KDM3A: variants seen among roughly 807,000 people sequenced by gnomAD.
KDM3A encodes lysine-specific demethylase 3A.
A neutral mutation model predicts 158.0 loss-of-function variants in KDM3A; 60 were observed. The ratio of observed to expected loss-of-function variants is 0.38; its 90% confidence interval spans 0.31 to 0.47. The LOEUF is 0.47. KDM3A is among the 20% of genes least tolerant of loss of function. The probability of loss-of-function intolerance (pLI) is 0.99; values close to 1 mark genes in which losing one functional copy is unlikely to be tolerated. For synonymous variants in KDM3A, 608 were observed against 549.3 expected (o/e 1.11, Z -1.49); for missense variants, 1,319 against 1,574.3 (o/e 0.84, Z 2.74).
At chr2:86,477,759 T>G (rs1558625198) in intron 12 of KDM3A, 118 bp from the exon 13 acceptor site, 12 of 964,100 alleles carry the variant, frequency 1.2e-5, no homozygotes, top group Non-Finnish European at 1.7e-5. Flanking sequence ...CAATGAAGCC[T>G]GAACAAAGTT....
chr2:86,482,001 T>A lies in KDM3A; in HGVS notation c.2584T>A (p.Ser862Thr). Residue 862 changes from serine (S) to threonine (T), a missense_variant, in exon 17 of 26, where the codon TCC becomes ACC. Around this residue, in one of 4 missense-constraint regions of KDM3A, gnomAD observed 368 missense variants for 415.8 expected, o/e 0.89. Transcript: ENST00000312912. ...TCCACCCCTCCCACCTTTAAGCAAA[T>A]CCAGCACAGTCCTCCATACGTTTAA... is the stretch of plus-strand genomic sequence containing the variant. ...CLPPLPPLSK[S>T]STVLHTFNST... 1 of 1,613,976 alleles carries A rather than the reference T, an allele frequency of 6.2e-7. No individual in the cohort carries two copies. The highest frequency in any genetic ancestry group is 8.5e-7 in the Non-Finnish European group (1 of 1,179,884).
At chr2:86,484,224 G>T in intron 19 of KDM3A, 66 bp downstream of exon 19, 1 of 1,394,480 alleles carries the variant, frequency 7.2e-7, no homozygotes, top group Non-Finnish European at 9.8e-7. Flanking sequence ...AATGGCAGGA[G>T]TCTGAGACCC....
chr2:86,446,827 C>G (rs931569857), intron 2 of KDM3A, among the ~76,000 whole-genome samples: 1 of 152,088 alleles, frequency 6.6e-6, no homozygotes, highest in Non-Finnish European at 1.5e-5. Context: ...TTTGTTTTTT[C>G]TGGAAATGGG....
At chr2:86,474,281 TC>T (rs1392586822) in intron 11 of KDM3A, among the ~76,000 whole-genome samples, 1 of 152,182 alleles carries the variant, frequency 6.6e-6, no homozygotes, top group Non-Finnish European at 1.5e-5. Flanking sequence ...TTTTTAATCT[TC>T]CTACTGACAT....
chr2:86,467,863 A>AT (rs1558618368), intron 10 of KDM3A, among the ~76,000 whole-genome samples: 1 of 152,118 alleles, frequency 6.6e-6, no homozygotes, highest in Non-Finnish European at 1.5e-5. Flanking sequence ...TCCACAAAAA[A>AT]TTTTTTTAAA....
chr2:86,482,168 A>G, intron 17 of KDM3A, 66 bp downstream of exon 17: 1 of 1,526,072 alleles, frequency 6.6e-7, no homozygotes. Context: ...AGAGTAGAGA[A>G]GTTGGAACTG....
At chr2:86,448,033 A>G (rs1218838402) in intron 2 of KDM3A, among the ~76,000 whole-genome samples, 1 of 152,236 alleles carries the variant, frequency 6.6e-6, no homozygotes. Flanking sequence ...ATGAAAGACC[A>G]TTTGGTTGAT....
Position 86,482,862 on chromosome 2 carries a change from T to A in KDM3A, c.2922+168T>A. 3.5e-5 allele frequency: 23 copies of A among 661,182 alleles called. 1 individual carries two copies. The South Asian group carries it at 4.0e-4, about 11-fold the overall frequency. 41.0% of individuals were successfully genotyped at this position (661,182 alleles called of 1,614,324 possible). The stretch of plus-strand genomic sequence containing the variant: ...GTCAGGATGTGGCCATGGGTCTTAC[T>A]TTTTAAAGCAGATGGTCCTAAGCTG... On this transcript the variant is annotated intron_variant, in intron 18 of 25. Transcript: ENST00000312912.
intron 2 of KDM3A, among the ~76,000 whole-genome samples, chr2:86,447,287 A>G (rs1286627544): frequency 7.1e-6 from 1 of 141,554 alleles, no homozygotes; most frequent in East Asian, 1.9e-4. Flanking sequence ...AAGGAGGTAA[A>G]CTTTTTTTTT....
Position 86,489,453 on chromosome 2 carries a change from TAA to T in KDM3A, c.3433+19_3433+20del, listed in dbSNP as rs769225916. ...CAAGAAGAAGGTAGGGTGCTGAGCA[TAA>T]AAGGAGGGCTTACTCTTTGAGCCAG... On this transcript the variant is annotated intron_variant, in intron 22 of 25. Transcript: ENST00000312912. 5.0e-6 allele frequency: 8 copies of T among 1,613,044 alleles called. No individual in the cohort carries two copies. Among genetic ancestry groups the T allele is most frequent in the Non-Finnish European group, 6.8e-6 (8 of 1,179,624 alleles).
At chr2:86,485,207 T>G (rs1254220873) in intron 20 of KDM3A, among the ~76,000 whole-genome samples, 178 bp downstream of exon 20, 1 of 152,246 alleles carries the variant, frequency 6.6e-6, no homozygotes, top group African/African-American at 2.4e-5. Flanking sequence ...TTAGATGAGA[T>G]GAAGAAGTGA....
rs1279757044 is a variant in KDM3A at position 86,450,318 on chromosome 2, C to T, written c.342+356C>T. 1.3e-5 allele frequency among the ~76,000 whole-genome samples: 2 copies of T among 152,162 alleles called. 1 individual carries two copies. Among genetic ancestry groups the T allele is most frequent in the African/African-American group, 4.8e-5 (2 of 41,436 alleles). ...AGAATACATCTGAAAATCTAGATTT[C>T]CATTGTCTCTTAAAAAATCTACAAG... On this transcript the variant is annotated intron_variant, in intron 3 of 25. Coordinates refer to ENST00000312912, the MANE Select transcript of KDM3A (RefSeq NM_018433.6).
At chr2:86,489,802 A>G in intron 23 of KDM3A, 143 bp downstream of exon 23, 1 of 809,010 alleles carries the variant, frequency 1.2e-6, no homozygotes, top group Non-Finnish European at 1.9e-6. Flanking sequence ...GAATAGGCTG[A>G]AGGTGGTTGC....
chr2:86,454,309 A>G (rs1190340302), intron 4 of KDM3A, among the ~76,000 whole-genome samples: 2 of 152,192 alleles, frequency 1.3e-5, no homozygotes, highest in African/African-American at 2.4e-5. Context: ...ATGTGGTTCA[A>G]AATTTTCCCT....
intron 16 of KDM3A, among the ~76,000 whole-genome samples, chr2:86,481,149 CA>C (rs1274432561): frequency 1.3e-5 from 2 of 152,140 alleles, no homozygotes; most frequent in Non-Finnish European, 2.9e-5. Context: ...TAATGATTTA[CA>C]AAAAACTTCT....
chr2:86,485,331 C>G (rs892140231), intron 20 of KDM3A, among the ~76,000 whole-genome samples: 5 of 152,190 alleles, frequency 3.3e-5, no homozygotes, highest in Non-Finnish European at 7.3e-5. Flanking sequence ...GTTGTGGAAT[C>G]TGACCTGTCA....
rs1278956404 is a variant in KDM3A, at chr2:86,478,610, C to T, written c.2191C>T (p.Leu731Phe). 3 of 1,613,872 alleles carry T rather than the reference C, an allele frequency of 1.9e-6. No individual in the cohort carries two copies. The Admixed American group carries it at 5.0e-5, about 27-fold the overall frequency. ...GTTTGCCTCTGCCCTTTCTTTAGCA[C>T]TCTATGATGTTGGAGACATTGTTCA... ...MPTQIIPGKA[L>F]YDVGDIVHSV... Residue 731 changes from leucine (L) to phenylalanine (F), a missense_variant and splice_region_variant, in exon 15 of 26, where the codon CTC becomes TTC. Transcript: ENST00000312912.
At chr2:86,441,337 G>A (rs1305291105), upstream of KDM3A, 1 of 152,412 alleles carries the variant, frequency 6.6e-6, no homozygotes, top group African/African-American at 2.4e-5. Flanking sequence ...GCGGGTCCGG[G>A]AGGCTGTGCG....
intron 1 of KDM3A, 84 bp from the exon 2 acceptor site, chr2:86,441,934 C>T: frequency 6.2e-6 from 7 of 1,121,168 alleles, no homozygotes; most frequent in Admixed American, 2.3e-5. Context: ...GGGTTCGGCG[C>T]CCTCCGCCCG....
Sources: allele counts gnomAD v4.1 joint callset (sites outside exome capture counted in the v4.1 genomes callset), GRCh38; gene constraint gnomAD v4.1.1; regional missense constraint gnomAD v4.1.1; transcripts MANE v1.5; gene names NCBI Gene and HGNC (gene_info 2026-07-23, HGNC 2026-07-21).